Variants in ERBB4 observed in about 807,000 individuals in gnomAD.
ERBB4 encodes the protein erb-b2 receptor tyrosine kinase 4, also known as receptor tyrosine-protein kinase erbB-4.
A neutral mutation model predicts 158.0 loss-of-function variants in ERBB4; 42 were observed. The ratio of observed to expected loss-of-function variants is 0.27; its 90% CI spans 0.21 to 0.34. The LOEUF is 0.34. Ranked by LOEUF, ERBB4 falls within the 10% of genes least tolerant of loss-of-function variation. ERBB4 has a pLI of 1.00. For missense variants in ERBB4, 1,333 were observed against 1,624.1 expected, an observed-to-expected ratio of 0.82 and a Z score of 3.08; for synonymous variants, 583 against 558.7, an observed-to-expected ratio of 1.04 and a Z score of -0.61.
chr2:211,610,689 A>C (rs978305088), intron 19 of ERBB4, among the ~76,000 whole-genome samples: 5 of 152,164 alleles, frequency 3.3e-5, no homozygotes, highest in African/African-American at 1.2e-4. Flanking sequence ...CTAGTCATGT[A>C]CAAAATTCAC....
chr2:211,446,792 A>G (rs989260303), intron 20 of ERBB4, among the ~76,000 whole-genome samples: 1 of 152,146 alleles, frequency 6.6e-6, no homozygotes, highest in African/African-American at 2.4e-5. Flanking sequence ...AGCAAACTAA[A>G]AAGGTAGTCT....
intron 3 of ERBB4, among the ~76,000 whole-genome samples, chr2:211,907,151 C>T (rs953070520): frequency 2.6e-5 from 4 of 151,668 alleles, no homozygotes; most frequent in African/African-American, 9.7e-5. Flanking sequence ...TTAACAGAAG[C>T]TTAGCTTGTA....
At chr2:212,042,030 G>T (rs559910837) in intron 2 of ERBB4, among the ~76,000 whole-genome samples, 1 of 151,860 alleles carries the variant, frequency 6.6e-6, no homozygotes, top group African/African-American at 2.4e-5. Context: ...TTGCTTCCAC[G>T]CTCTATTATC....
intron 17 of ERBB4, among the ~76,000 whole-genome samples, chr2:211,624,469 T>C (rs1478532824): frequency 6.6e-6 from 1 of 152,152 alleles, no homozygotes; most frequent in Non-Finnish European, 1.5e-5. Flanking sequence ...AGTGTATATC[T>C]GAATTACCTC....
rs554894415 is a variant in ERBB4, at chr2:211,379,677, C to T, written c.*3938G>A. 4.3e-6 allele frequency: 1 copy of T among 231,546 alleles called. No individual in the cohort carries two copies. Among genetic ancestry groups the T allele is most frequent in the Admixed American group, 5.6e-5 (1 of 17,710 alleles). 14.3% of individuals were successfully genotyped at this position (231,546 alleles called of 1,614,324 possible). A position where few individuals can be genotyped will look rare whatever the true frequency, so the allele number is the denominator to read the frequency against. On this transcript the variant is annotated 3_prime_UTR_variant, in exon 28 of 28. Transcript: ENST00000342788. ...CTAAATCTACATCTTATAGCATTAT[C>T]GTGGTTCTGTCCAGTTATATACATG...
At chr2:211,489,720 T>A (rs187287626) in intron 20 of ERBB4, among the ~76,000 whole-genome samples, 11 of 152,000 alleles carry the variant, frequency 7.2e-5, no homozygotes, top group African/African-American at 2.7e-4. Flanking sequence ...CATATGTATA[T>A]TGTACAACAT....
chr2:212,290,276 C>T (rs1339872563), intron 1 of ERBB4, among the ~76,000 whole-genome samples: 1 of 152,126 alleles, frequency 6.6e-6, no homozygotes, highest in Admixed American at 6.6e-5. Flanking sequence ...AAAGCCACCA[C>T]TGTAAGTCTG....
At chr2:211,422,364 A>G (rs1358924288) in intron 23 of ERBB4, among the ~76,000 whole-genome samples, 3 of 151,720 alleles carry the variant, frequency 2.0e-5, no homozygotes, top group Admixed American at 1.3e-4. Flanking sequence ...TGACTGCAAT[A>G]TAAGTTATTA....
rs1323406376 is a variant in ERBB4, at chr2:211,580,859, GCATATACATATATA to G, written c.2302-18785_2302-18772del. Reference sequence around the variant, plus strand: ...AGATTATATATTATATATATAGTATGCATATACATATATATATATATATATATATATATATATAT... The same window carrying G: ...AGATTATATATTATATATATAGTATGTATATATATATATATATATATATAT... On this transcript the variant is annotated intron_variant, in intron 19 of 27. Transcript: ENST00000342788. 2.1e-3 allele frequency among the ~76,000 whole-genome samples: 138 copies of G among 66,042 alleles called. 20 individuals are homozygous for G. The highest frequency in any genetic ancestry group is 8.8e-3 in the African/African-American group (127 of 14,420). 43.3% of individuals were successfully genotyped at this position (66,042 alleles called of 152,430 possible).
intron 2 of ERBB4, among the ~76,000 whole-genome samples, chr2:212,096,953 C>A (rs2078949939): frequency 6.6e-6 from 1 of 152,052 alleles, no homozygotes; most frequent in Admixed American, 6.6e-5. Flanking sequence ...TTTGTTCCTC[C>A]TTCTATTAAG....
At chr2:211,476,659 A>G (rs1001407404) in intron 20 of ERBB4, among the ~76,000 whole-genome samples, 1 of 152,062 alleles carries the variant, frequency 6.6e-6, no homozygotes, top group Non-Finnish European at 1.5e-5. Flanking sequence ...ATAACCTCCC[A>G]AAAAGAGACA....
At chr2:211,968,227 T>A (rs2081355468) in intron 2 of ERBB4, among the ~76,000 whole-genome samples, 1 of 152,080 alleles carries the variant, frequency 6.6e-6, no homozygotes, top group African/African-American at 2.4e-5. Context: ...GTTTTTCAGA[T>A]GTACAGCACA....
chr2:212,375,622 G>C (rs1408807063), intron 1 of ERBB4, among the ~76,000 whole-genome samples: 1 of 151,912 alleles, frequency 6.6e-6, no homozygotes, highest in East Asian at 1.9e-4. Context: ...CTTATAAGGG[G>C]GACTTCAAAA....
chr2:211,397,714 A>G (rs1340810280), intron 25 of ERBB4, among the ~76,000 whole-genome samples: 2 of 152,128 alleles, frequency 1.3e-5, no homozygotes, highest in East Asian at 3.9e-4. Context: ...TAACAGAATT[A>G]TTTCTGGGCC....
chr2:212,189,423 C>T (rs1366313617), intron 1 of ERBB4, among the ~76,000 whole-genome samples: 1 of 152,176 alleles, frequency 6.6e-6, no homozygotes, highest in Non-Finnish European at 1.5e-5. Flanking sequence ...AGACTTCTGT[C>T]AGCCTCTTTT....
chr2:211,380,926 C>T lies in ERBB4; in HGVS notation c.*2689G>A, dbSNP rs901724016. The T allele has an allele frequency of 1.7e-5, 4 of 231,740 alleles. No homozygotes were observed. The highest frequency in any genetic ancestry group is 6.6e-5 in the African/African-American group (3 of 45,130). 14.4% of individuals were successfully genotyped at this position (231,740 alleles called of 1,614,324 possible). A position where few individuals can be genotyped will look rare whatever the true frequency, so the allele number is the denominator to read the frequency against. On this transcript the variant is annotated 3_prime_UTR_variant, in exon 28 of 28. Coordinates refer to ENST00000342788, the MANE Select transcript of ERBB4 (RefSeq NM_005235.3). ...TCTGCTTTCTATAGCCCAGTAGAAA[C>T]CATATGCATATTGTAAATCAGAAAA... is the stretch of plus-strand genomic sequence containing the variant.
intron 1 of ERBB4, among the ~76,000 whole-genome samples, chr2:212,463,613 A>T (rs1360157350): frequency 1.3e-5 from 2 of 152,220 alleles, no homozygotes; most frequent in African/African-American, 4.8e-5. Flanking sequence ...AGTAAAAGAA[A>T]AAAAGCCTCA....
At chr2:211,905,687 C>CAT (rs1553663459) in intron 3 of ERBB4, among the ~76,000 whole-genome samples, 8,857 of 95,216 alleles carry the variant, frequency 0.093, 458 homozygotes, top group Non-Finnish European at 0.11. Context: ...TATATACACA[C>CAT]ATATATGTGT....
intron 1 of ERBB4, among the ~76,000 whole-genome samples, chr2:212,361,373 G>A (rs1056281970): frequency 4.0e-5 from 6 of 151,600 alleles, no homozygotes; most frequent in African/African-American, 1.5e-4. Flanking sequence ...ATCTTTGAAA[G>A]CTGACACCAA....
Sources: gnomAD v4.1 joint callset for allele counts (sites outside exome capture counted in the v4.1 genomes callset) on GRCh38, gnomAD v4.1.1 for gene constraint, MANE v1.5 for transcripts, NCBI Gene and HGNC (gene_info 2026-07-23, HGNC 2026-07-21) for gene names.